The following WDR64 variants were observed in gnomAD, a reference collection of about 807,000 sequenced individuals.
WDR64 encodes the protein WD repeat domain 64.
Under a neutral mutation model 139.3 loss-of-function variants are expected in WDR64, and 112 were observed. The observed-to-expected ratio is 0.80, with a 90% CI of 0.69 to 0.94. The LOEUF (loss-of-function observed/expected upper bound fraction) is 0.94. Among genes scored for constraint, WDR64 ranks in the 40% least tolerant of loss-of-function variants. The pLI is 0.00. For missense variants in WDR64, 1,206 were observed against 1,293.1 expected, an observed-to-expected ratio of 0.93 and a Z score of 1.03; for synonymous variants, 444 against 437.7, an observed-to-expected ratio of 1.01 and a Z score of -0.18.
chr1:241,781,136 C>T (rs190259204), intron 22 of WDR64, among the ~76,000 whole-genome samples: 79 of 152,218 alleles, frequency 5.2e-4, no homozygotes, highest in Non-Finnish European at 1.1e-3. Context: ...TCATTCAAAG[C>T]CTACAGTTTC....
intron 14 of WDR64, among the ~76,000 whole-genome samples, chr1:241,753,506 C>T (rs767912621): frequency 6.6e-5 from 10 of 152,112 alleles, no homozygotes; most frequent in Admixed American, 1.3e-4. Context: ...GAGTTCAAGA[C>T]CATCCTGGCC....
intron 3 of WDR64, among the ~76,000 whole-genome samples, chr1:241,672,874 G>T (rs1666287384): frequency 6.6e-6 from 1 of 152,162 alleles, no homozygotes; most frequent in South Asian, 2.1e-4. Context: ...GATGGGAGTG[G>T]GGACAGGTGT....
rs1457289149 is a variant in WDR64 at position 241,687,479 on chromosome 1, T to G, written c.858T>G (p.His286Gln). ...KNFKSVKRKLHNDWVMKIRYI... is the reference protein window; with the variant it reads ...KNFKSVKRKLQNDWVMKIRYI... ...TCCCCAGTGTTAAAAGGAAGCTACA[T>G]AATGACTGGGTTATGAAAATTAGAT... The change falls in exon 8 of 28, where the codon CAT (histidine) becomes CAG (glutamine). Residue 286 changes from histidine to glutamine, a missense_variant. By Grantham distance (24) the His-to-Gln change is conservative. Coordinates refer to ENST00000437684, the MANE Select transcript of WDR64 (RefSeq NM_001367482.1). 7 of 1,613,950 alleles carry G rather than the reference T, an allele frequency of 4.3e-6. No homozygotes were observed. Among genetic ancestry groups the G allele is most frequent in the Non-Finnish European group, 5.9e-6 (7 of 1,179,920 alleles).
intron 12 of WDR64, 146 bp downstream of exon 12, chr1:241,741,810 G>A: frequency 2.1e-6 from 2 of 936,674 alleles, no homozygotes; most frequent in Non-Finnish European, 1.5e-6. Flanking sequence ...GCTTCCATGA[G>A]TACGTGAAAA....
chr1:241,686,147 G>T (rs976123798), intron 7 of WDR64, among the ~76,000 whole-genome samples: 2 of 152,176 alleles, frequency 1.3e-5, no homozygotes, highest in Non-Finnish European at 1.5e-5. Flanking sequence ...TATATAGGCT[G>T]AGTGTTGCGG....
intron 10 of WDR64, among the ~76,000 whole-genome samples, chr1:241,729,519 A>G (rs1246716941): frequency 6.6e-6 from 1 of 152,206 alleles, no homozygotes; most frequent in Non-Finnish European, 1.5e-5. Flanking sequence ...TTGGCTTCAG[A>G]AATTCCAAGC....
chr1:241,692,792 G>A (rs942484671), intron 8 of WDR64, among the ~76,000 whole-genome samples: 1 of 152,180 alleles, frequency 6.6e-6, no homozygotes, highest in East Asian at 1.9e-4. Context: ...AAGATACACA[G>A]ATGGGAAATA....
chr1:241,748,391 G>C (rs985811548), intron 13 of WDR64, among the ~76,000 whole-genome samples: 3 of 152,186 alleles, frequency 2.0e-5, no homozygotes, highest in African/African-American at 7.2e-5. Flanking sequence ...TGTCTGGCAA[G>C]GGCCCGCCTC....
At chr1:241,763,163 A>G (rs1207159348) in intron 15 of WDR64, among the ~76,000 whole-genome samples, 4 of 152,190 alleles carry the variant, frequency 2.6e-5, no homozygotes, top group African/African-American at 9.7e-5. Context: ...AAACAGAAAG[A>G]AGATGACTGC....
In WDR64 at chr1:241,741,504, C is replaced by G. The variant is rs546170865; in HGVS notation, c.1322-12C>G. 21 of 1,585,892 alleles carry G rather than the reference C, an allele frequency of 1.3e-5. No individual in the cohort carries two copies. Among genetic ancestry groups the G allele is most frequent in the African/African-American group, 6.8e-5 (5 of 73,216 alleles). On this transcript the variant is annotated splice_polypyrimidine_tract_variant and intron_variant, in intron 11 of 27. Transcript: ENST00000437684. ...ATATTGCATATTTATGAGATTCTTACTTCTGTTCCAGGATCTAGTGTTATG... is the reference window on the plus strand; with the variant it reads ...ATATTGCATATTTATGAGATTCTTAGTTCTGTTCCAGGATCTAGTGTTATG...
At chr1:241,654,449 A>G in intron 1 of WDR64, among the ~76,000 whole-genome samples, 1 of 152,078 alleles carries the variant, frequency 6.6e-6, no homozygotes, top group South Asian at 2.1e-4. Context: ...AATTGTTTTC[A>G]TTTTCCAGCC....
rs1180850621 is a variant in WDR64 at position 241,772,942 on chromosome 1, C to A, written c.2430+11C>A. The A allele has an allele frequency of 1.9e-6, 3 of 1,545,272 alleles. No individual in the cohort carries two copies. The highest frequency in any genetic ancestry group is 2.0e-5 in the Admixed American group (1 of 50,144). On this transcript the variant is annotated intron_variant, in intron 20 of 27. Transcript: ENST00000437684. ...TTGTGGACTCTGGAGGTAATGGAAC[C>A]CAGCAAGTCTGGGAATAGGAAAGAA...
intron 25 of WDR64, among the ~76,000 whole-genome samples, chr1:241,793,717 T>C (rs554931161): frequency 8.4e-4 from 128 of 152,358 alleles, no homozygotes; most frequent in African/African-American, 3.0e-3. Context: ...GTTCGTTCTT[T>C]CTTTCCTCAT....
At chr1:241,789,244 C>T (rs1659145839) in intron 24 of WDR64, among the ~76,000 whole-genome samples, 1 of 152,130 alleles carries the variant, frequency 6.6e-6, no homozygotes, top group Non-Finnish European at 1.5e-5. Context: ...GTTGTTATTG[C>T]TCAATAATTA....
intron 10 of WDR64, among the ~76,000 whole-genome samples, chr1:241,731,219 T>C (rs551254010): frequency 5.5e-4 from 83 of 151,866 alleles, no homozygotes; most frequent in Non-Finnish European, 1.1e-3. Context: ...CATTAAAAAA[T>C]GAGACAAAGC....
chr1:241,726,290 C>A (rs1224870036), intron 10 of WDR64, among the ~76,000 whole-genome samples: 1 of 151,972 alleles, frequency 6.6e-6, no homozygotes, highest in Non-Finnish European at 1.5e-5. Flanking sequence ...GAGCAAGGGA[C>A]TGCATGTAGT....
rs112959584 is a variant in WDR64, at chr1:241,655,111, G to A, written c.145+2482G>A. ...ACTGTAATAGTCTTCTTGGCCAGGC[G>A]CGGTGGCTCACGCCTATAATCTCAG... On this transcript the variant is annotated intron_variant, in intron 1 of 27. Transcript: ENST00000437684. 2.3e-3 allele frequency among the ~76,000 whole-genome samples: 353 copies of A among 152,242 alleles called. 2 individuals carry two copies. In the East Asian group the frequency reaches 0.025, roughly 11 times the overall value.
intron 2 of WDR64, among the ~76,000 whole-genome samples, chr1:241,668,332 AC>A (rs1666100441): frequency 6.6e-6 from 1 of 151,806 alleles, no homozygotes; most frequent in Non-Finnish European, 1.5e-5. Context: ...ATAGGGTGAA[AC>A]CTCATCTCTA....
At chr1:241,744,846 G>C (rs566205196) in intron 13 of WDR64, among the ~76,000 whole-genome samples, 25 of 152,338 alleles carry the variant, frequency 1.6e-4, no homozygotes, top group Non-Finnish European at 2.8e-4. Context: ...CATCAGCCAA[G>C]AGACAGACAT....
Sources: allele counts gnomAD v4.1 joint callset (sites outside exome capture counted in the v4.1 genomes callset), GRCh38; gene constraint gnomAD v4.1.1; transcripts MANE v1.5; gene names NCBI Gene and HGNC (gene_info 2026-07-23, HGNC 2026-07-21).